Variants in LY96 observed in about 807,000 individuals in gnomAD.
LY96 encodes lymphocyte antigen 96, also known as myeloid differentiation protein-2.
A neutral mutation model predicts 18.9 loss-of-function variants in LY96; 18 were observed. The observed-to-expected ratio is 0.95, with a 90% confidence interval of 0.66 to 1.41. The LOEUF (loss-of-function observed/expected upper bound fraction) is 1.41. Among genes scored for constraint, LY96 ranks in the 40% most tolerant of loss-of-function variants. The pLI is 0.00. For missense variants in LY96, 175 were observed against 182.4 expected (o/e 0.96, Z 0.23); for synonymous variants, 66 against 62.6 (o/e 1.06, Z -0.26).
chr8:74,099,547 A>G, the LY96 span: 3 of 152,234 alleles, frequency 2.0e-5, no homozygotes, highest in Non-Finnish European at 4.4e-5. Flanking sequence ...TTGATGTCAG[A>G]GGGCCTAAAA....
chr8:73,994,140 A>C (rs1391324439), intron 1 of LY96, among the ~76,000 whole-genome samples: 1 of 152,140 alleles, frequency 6.6e-6, no homozygotes, highest in Non-Finnish European at 1.5e-5. Context: ...ATGCACCACC[A>C]TGCCTGGCTA....
chr8:74,089,953 G>C, the LY96 span, among the ~76,000 whole-genome samples: 1 of 152,110 alleles, frequency 6.6e-6, no homozygotes, highest in Admixed American at 6.6e-5. Flanking sequence ...AGGATGGTTG[G>C]TGTGGAAGAT....
chr8:74,031,452 C>A (rs1201613415), downstream of LY96, among the ~76,000 whole-genome samples: 1 of 151,806 alleles, frequency 6.6e-6, no homozygotes, highest in African/African-American at 2.4e-5. Context: ...ATGGTGAAAC[C>A]CTGTCTCTAC....
intron 2 of LY96, among the ~76,000 whole-genome samples, chr8:74,009,635 C>T (rs1159623697): frequency 6.6e-6 from 1 of 152,166 alleles, no homozygotes; most frequent in Admixed American, 6.6e-5. Context: ...GACTGTCTCA[C>T]TGTCCTTCCT....
the LY96 span, among the ~76,000 whole-genome samples, chr8:74,088,083 A>AAGAATAGAATAGAATAGAAT: frequency 0.052 from 6,281 of 120,332 alleles, 257 homozygotes; most frequent in African/African-American, 0.057. Context: ...TCACTGAGAG[A>AAGAATAGAATAGAATAGAAT]AGAATAGAAT....
the LY96 span, among the ~76,000 whole-genome samples, chr8:74,099,162 A>G: frequency 6.6e-6 from 1 of 152,100 alleles, no homozygotes; most frequent in Non-Finnish European, 1.5e-5. Flanking sequence ...TGATATAACT[A>G]TTGGGAAATA....
the LY96 span, among the ~76,000 whole-genome samples, chr8:74,058,388 A>C: frequency 3.4e-3 from 512 of 152,310 alleles, 5 homozygotes; most frequent in African/African-American, 0.012. Flanking sequence ...GCTTTTGAAA[A>C]TATCATCCAC....
At chr8:74,028,214 G>A (rs1016666983) in intron 4 of LY96, among the ~76,000 whole-genome samples, 1 of 152,102 alleles carries the variant, frequency 6.6e-6, no homozygotes, top group Admixed American at 6.6e-5. Flanking sequence ...TGGGATTATA[G>A]GTGTGAGCCA....
chr8:74,027,281 G>A (rs1816890745), intron 4 of LY96, among the ~76,000 whole-genome samples: 1 of 149,414 alleles, frequency 6.7e-6, no homozygotes, highest in Non-Finnish European at 1.5e-5. Context: ...GATGTTCAGG[G>A]TTTTTTCTTT....
the LY96 span, among the ~76,000 whole-genome samples, chr8:74,063,015 A>G: frequency 2.4e-4 from 36 of 152,226 alleles, no homozygotes; most frequent in African/African-American, 8.4e-4. Context: ...GGAGTGTCTC[A>G]GCTGTGTCAT....
intron 3 of LY96, among the ~76,000 whole-genome samples, chr8:74,016,660 C>T (rs1035091171): frequency 6.6e-6 from 1 of 152,184 alleles, no homozygotes; most frequent in African/African-American, 2.4e-5. Context: ...GATGAAGCTT[C>T]CAGAGGAAGG....
chr8:73,991,479 T>C lies in LY96; in HGVS notation c.37T>C (p.Ser13Pro). 1 of 1,612,978 alleles carries C rather than the reference T, an allele frequency of 6.2e-7. No homozygotes were observed. Among genetic ancestry groups the C allele is most frequent in the Non-Finnish European group, 8.5e-7 (1 of 1,179,002 alleles). Reference sequence around the variant, plus strand: ...TCTGTTTTTTTCCACCCTGTTTTCTTCCATATTTACTGAAGCTCAGAAGCA... The same window carrying C: ...TCTGTTTTTTTCCACCCTGTTTTCTCCCATATTTACTGAAGCTCAGAAGCA... ...PFLFFSTLFS[S>P]IFTEAQKQYW... The change falls in exon 1 of 5, where the codon TCC (serine) becomes CCC (proline). Residue 13 changes from serine (S) to proline (P), a missense_variant. Transcript: ENST00000284818.
chr8:74,068,811 C>A, the LY96 span, among the ~76,000 whole-genome samples: 3 of 152,046 alleles, frequency 2.0e-5, no homozygotes, highest in African/African-American at 7.2e-5. Flanking sequence ...TTTAATAATT[C>A]TTTTTGAGAC....
At chr8:74,081,044 T>TC in the LY96 span, among the ~76,000 whole-genome samples, 4 of 119,466 alleles carry the variant, frequency 3.3e-5, no homozygotes, top group Admixed American at 7.9e-5. Flanking sequence ...CTTTCTTTCT[T>TC]TCTTTTTCTT....
chr8:74,012,342 T>A (rs1399940785), intron 3 of LY96, among the ~76,000 whole-genome samples: 2 of 152,206 alleles, frequency 1.3e-5, no homozygotes, highest in Non-Finnish European at 2.9e-5. Context: ...CACAATGGAA[T>A]ACTATTAAGC....
chr8:74,027,131 G>T (rs1036855018), intron 4 of LY96, among the ~76,000 whole-genome samples: 6 of 151,834 alleles, frequency 4.0e-5, no homozygotes, highest in Non-Finnish European at 5.9e-5. Flanking sequence ...GAAGAGACGC[G>T]GTTTCACCAT....
chr8:74,075,534 G>A, the LY96 span, among the ~76,000 whole-genome samples: 1 of 152,228 alleles, frequency 6.6e-6, no homozygotes, highest in African/African-American at 2.4e-5. Flanking sequence ...GCTTCCCAAA[G>A]TGTTGGGATT....
the LY96 span, among the ~76,000 whole-genome samples, chr8:74,096,377 T>G: frequency 6.6e-6 from 1 of 152,326 alleles, no homozygotes; most frequent in Non-Finnish European, 1.5e-5. Flanking sequence ...ATGGCCTCTT[T>G]GCTGTACCTT....
intron 1 of LY96, among the ~76,000 whole-genome samples, chr8:73,992,836 CTGTG>C (rs34327741): frequency 0.016 from 2,297 of 141,834 alleles, 29 homozygotes; most frequent in Non-Finnish European, 0.02. Context: ...AATTATGCCA[CTGTG>C]TGTGTGTGTG....
Sources: gnomAD v4.1 joint callset for allele counts (sites outside exome capture counted in the v4.1 genomes callset) on GRCh38, gnomAD v4.1.1 for gene constraint, MANE v1.5 for transcripts, NCBI Gene and HGNC (gene_info 2026-07-23, HGNC 2026-07-21) for gene names.